ZNF346: variants seen among roughly 807,000 people sequenced by gnomAD.
ZNF346 encodes zinc finger protein 346, also known as double-stranded RNA-binding zinc finger protein JAZ.
Under a neutral mutation model 33.7 loss-of-function variants are expected in ZNF346, and 23 were observed. That is an observed-to-expected ratio of 0.68 (90% CI 0.49 to 0.97). ZNF346 has a LOEUF of 0.97. Among genes scored for constraint, ZNF346 ranks in the 50% least tolerant of loss-of-function variants. The pLI is 0.00. For missense variants in ZNF346, 340 were observed against 371.1 expected (o/e 0.92, Z 0.69); for synonymous variants, 134 against 142.4 (o/e 0.94, Z 0.42).
At chr5:177,075,577 C>G (rs1429995747) in intron 8 of ZNF346, among the ~76,000 whole-genome samples, 1 of 152,154 alleles carries the variant, frequency 6.6e-6, no homozygotes, top group East Asian at 1.9e-4. Context: ...GAGTGCATGG[C>G]ACAATCATAG....
intron 1 of ZNF346, among the ~76,000 whole-genome samples, chr5:177,036,948 T>C (rs1778593327): frequency 6.6e-6 from 1 of 152,040 alleles, no homozygotes; most frequent in Admixed American, 6.6e-5. Flanking sequence ...TGTTTGTTTG[T>C]TTGTTTTTCC....
chr5:177,053,778 G>A (rs1034477449), intron 5 of ZNF346, among the ~76,000 whole-genome samples: 2 of 152,042 alleles, frequency 1.3e-5, no homozygotes, highest in African/African-American at 4.8e-5. Context: ...TTAACATTTT[G>A]TGACATACTA....
At chr5:177,026,275 C>T (rs1052162311) in intron 1 of ZNF346, among the ~76,000 whole-genome samples, 1 of 151,544 alleles carries the variant, frequency 6.6e-6, no homozygotes, top group Non-Finnish European at 1.5e-5. Context: ...AAAGTGCTGG[C>T]ATTACACGCG....
intron 1 of ZNF346, among the ~76,000 whole-genome samples, chr5:177,031,460 GT>G (rs1777680270): frequency 2.6e-5 from 4 of 152,184 alleles, no homozygotes; most frequent in African/African-American, 9.7e-5. Context: ...CAAATAAGAA[GT>G]TGTCATTAAT....
downstream of ZNF346, among the ~76,000 whole-genome samples, chr5:177,071,514 A>G (rs1393209087): frequency 1.3e-5 from 2 of 151,826 alleles, no homozygotes; most frequent in East Asian, 1.9e-4. Context: ...GTGAAACCCC[A>G]TCTCTACTAA....
intron 5 of ZNF346, among the ~76,000 whole-genome samples, chr5:177,059,713 A>C (rs2149695977): frequency 6.6e-6 from 1 of 152,286 alleles, no homozygotes; most frequent in Middle Eastern, 3.4e-3. Flanking sequence ...TTCAGCTTTT[A>C]TATACAGGAC....
intron 2 of ZNF346, among the ~76,000 whole-genome samples, chr5:177,041,484 A>G (rs1439382793): frequency 6.6e-6 from 1 of 152,208 alleles, no homozygotes; most frequent in African/African-American, 2.4e-5. Flanking sequence ...CTTTAAATAG[A>G]TCTGACTTTA....
chr5:177,078,574 CA>C (rs1209636454), intron 8 of ZNF346, among the ~76,000 whole-genome samples: 1 of 151,780 alleles, frequency 6.6e-6, no homozygotes, highest in Non-Finnish European at 1.5e-5. Flanking sequence ...GCGAGCCTAA[CA>C]GTTGAAATCC....
intron 2 of ZNF346, among the ~76,000 whole-genome samples, 156 bp from the exon 3 acceptor site, chr5:177,041,622 A>G (rs757840136): frequency 3.3e-5 from 5 of 152,208 alleles, no homozygotes; most frequent in Non-Finnish European, 5.9e-5. Flanking sequence ...GTAGCTGTAA[A>G]ATGCCTTGCA....
intron 1 of ZNF346, among the ~76,000 whole-genome samples, chr5:177,029,207 G>A (rs1366776167): frequency 6.6e-6 from 1 of 152,178 alleles, no homozygotes; most frequent in East Asian, 1.9e-4. Flanking sequence ...ATCACCGATA[G>A]CCAGTGATTT....
Position 177,064,825 on chromosome 5 carries a change from A to G in ZNF346, c.*226A>G, listed in dbSNP as rs879361277. On this transcript the variant is annotated 3_prime_UTR_variant, in exon 7 of 7. Transcript: ENST00000358149. ...TGACAGGGGAGGCAAGGGTATTGAG[A>G]GACTCGGGGTCTCGCGGGGTGGTAG... The G allele has an allele frequency of 7.4e-6, 4 of 537,008 alleles. No individual in the cohort carries two copies. The highest frequency in any genetic ancestry group is 1.3e-5 in the Non-Finnish European group (4 of 301,312). 33.3% of individuals were successfully genotyped at this position (537,008 alleles called of 1,614,324 possible). A position where few individuals can be genotyped will look rare whatever the true frequency, so the allele number is the denominator to read the frequency against.
intron 5 of ZNF346, 23 bp downstream of exon 5, chr5:177,050,959 C>T: frequency 1.3e-6 from 2 of 1,593,110 alleles, no homozygotes; most frequent in Non-Finnish European, 1.7e-6. Flanking sequence ...AGCTCACACC[C>T]AGAGCTGGAC....
Position 177,067,114 on chromosome 5 carries a change from C to T in ZNF346, c.*2515C>T, listed in dbSNP as rs1783241534. On this transcript the variant is annotated 3_prime_UTR_variant, in exon 7 of 7. Transcript: ENST00000358149. ...AAGAAGGTAGCCAGGTGTGGTGGTG[C>T]ATTCCTGTAGTCCTGGCTACCTGGA... is the stretch of plus-strand genomic sequence containing the variant. Among the ~76,000 whole-genome samples, 1 of 152,056 alleles carries T rather than the reference C, an allele frequency of 6.6e-6. No individual in the cohort carries two copies. Among genetic ancestry groups the T allele is most frequent in the Non-Finnish European group, 1.5e-5 (1 of 68,010 alleles).
intron 5 of ZNF346, among the ~76,000 whole-genome samples, chr5:177,054,376 A>G (rs1331862327): frequency 6.8e-6 from 1 of 148,116 alleles, no homozygotes. Context: ...CAATCTGGCT[A>G]TTTTTTATTT....
chr5:177,071,339 A>T (rs1383439050), downstream of ZNF346, among the ~76,000 whole-genome samples: 2 of 151,130 alleles, frequency 1.3e-5, no homozygotes, highest in Non-Finnish European at 3.0e-5. Context: ...GTTCAAATCC[A>T]GCCTGGGCAA....
At chr5:177,051,170 C>CTTTTTTTTT (rs906484576) in intron 5 of ZNF346, among the ~76,000 whole-genome samples, 3 of 104,846 alleles carry the variant, frequency 2.9e-5, no homozygotes, top group Admixed American at 9.9e-5. Context: ...GTTTTCTTTT[C>CTTTTTTTTT]TTTTTTTTTT....
At chr5:177,041,286 A>T in intron 2 of ZNF346, 57 bp downstream of exon 2, 2 of 1,398,650 alleles carry the variant, frequency 1.4e-6, no homozygotes, top group Non-Finnish European at 2.0e-6. Context: ...CCAAACCACT[A>T]ATTCTCTCTG....
chr5:177,032,406 C>G (rs1449871926), intron 1 of ZNF346, among the ~76,000 whole-genome samples: 4 of 151,724 alleles, frequency 2.6e-5, no homozygotes, highest in Non-Finnish European at 4.4e-5. Flanking sequence ...GCATGAGCCA[C>G]TGCACGCAGC....
intron 1 of ZNF346, among the ~76,000 whole-genome samples, chr5:177,033,135 G>A (rs1777955076): frequency 6.6e-6 from 1 of 152,210 alleles, no homozygotes; most frequent in South Asian, 2.1e-4. Flanking sequence ...AAGTGCAGTG[G>A]CGCAATTATG....
Sources: gnomAD v4.1 joint callset for allele counts (sites outside exome capture counted in the v4.1 genomes callset) on GRCh38, gnomAD v4.1.1 for gene constraint, MANE v1.5 for transcripts, NCBI Gene and HGNC (gene_info 2026-07-23, HGNC 2026-07-21) for gene names.